SEC23A: variants seen among roughly 807,000 people sequenced by gnomAD.
The protein encoded by SEC23A is SEC23 homolog A, COPII component.
SEC23A carries 56 observed loss-of-function variants against 103.7 expected under a neutral mutation model. That is an observed-to-expected ratio of 0.54 (90% CI 0.44 to 0.67). The LOEUF is 0.67. Among genes scored for constraint, SEC23A ranks in the 30% least tolerant of loss-of-function variants. The pLI is 0.00. For missense variants in SEC23A, 784 were observed against 936.4 expected (o/e 0.84, Z 2.12); for synonymous variants, 281 against 293.0 (o/e 0.96, Z 0.42).
Position 39,092,602 on chromosome 14 carries a change from G to C in SEC23A, c.305C>G (p.Ser102Cys), listed in dbSNP as rs750268186. Residue 102 changes from serine (S) to cysteine (C), a missense_variant, in exon 4 of 20, where the codon TCT becomes TGT. Around this residue, in one of 2 missense-constraint regions of SEC23A, gnomAD observed 683 missense variants for 774.2 expected, o/e 0.88. Coordinates refer to ENST00000307712, the MANE Select transcript of SEC23A (RefSeq NM_006364.4). ...NQFPPSYAGI[S>C]ELNQPAELLP... The stretch of plus-strand genomic sequence containing the variant: ...AAGTTCAGCAGGCTGATTCAGTTCA[G>C]ATATACCAGCATAACTAGGTGGAAA... 5 of 1,610,652 alleles carry C rather than the reference G, an allele frequency of 3.1e-6. No individual in the cohort carries two copies. In the South Asian group the frequency reaches 4.4e-5, roughly 14 times the overall value.
chr14:39,039,618 T>G (rs1292030788), intron 18 of SEC23A: 1 of 153,662 alleles, frequency 6.5e-6, no homozygotes, highest in Non-Finnish European at 1.4e-5. Context: ...ATACACACAG[T>G]GAGACATCAA....
chr14:39,037,322 C>T (rs1026979514), intron 19 of SEC23A, among the ~76,000 whole-genome samples: 1 of 152,016 alleles, frequency 6.6e-6, no homozygotes, highest in African/African-American at 2.4e-5. Context: ...AATTTCTCTC[C>T]ACTCTCCCAT....
chr14:39,066,416 A>G (rs543195152), intron 10 of SEC23A, among the ~76,000 whole-genome samples: 82 of 152,300 alleles, frequency 5.4e-4, no homozygotes, highest in African/African-American at 1.9e-3. Context: ...TGATAGAATT[A>G]TGCAATAACA....
chr14:39,059,300 A>AAAAAAAAAAACAAAAAAAAAC (rs1566491569), intron 13 of SEC23A, among the ~76,000 whole-genome samples: 3 of 100,816 alleles, frequency 3.0e-5, no homozygotes, highest in South Asian at 3.1e-4. Context: ...AAAAAAAAAA[A>AAAAAAAAAAACAAAAAAAAAC]AAAAAAAAAA....
At chr14:39,063,218 G>A (rs566834508) in intron 12 of SEC23A, 106 bp downstream of exon 12, 13 of 700,104 alleles carry the variant, frequency 1.9e-5, no homozygotes, top group Non-Finnish European at 3.1e-5. Context: ...TAAATGTTGG[G>A]TTATATCTAC....
intron 5 of SEC23A, chr14:39,088,773 A>AG (rs1446159105): frequency 4.7e-5 from 7 of 148,440 alleles, no homozygotes; most frequent in African/African-American, 1.8e-4. Flanking sequence ...AGTGGCTCAC[A>AG]CCTGTAATCC....
At position 39,093,263 on chromosome 14, in the gene SEC23A, A is replaced by G; in HGVS notation, c.222-19T>C. 6 of 1,602,002 alleles carry G rather than the reference A, an allele frequency of 3.7e-6. No homozygotes were observed. The highest frequency in any genetic ancestry group is 5.1e-6 in the Non-Finnish European group (6 of 1,172,396). ...CACTTGACTGTTTTAAAAAAAAAGAAAAGACATATCAGTTCATATTTCAGT... is the reference window on the plus strand; with the variant it reads ...CACTTGACTGTTTTAAAAAAAAAGAGAAGACATATCAGTTCATATTTCAGT... On this transcript the variant is annotated intron_variant, in intron 2 of 19. Transcript: ENST00000307712.
chr14:39,056,243 C>A (rs1032576499), intron 13 of SEC23A, among the ~76,000 whole-genome samples: 1 of 152,180 alleles, frequency 6.6e-6, no homozygotes, highest in Non-Finnish European at 1.5e-5. Flanking sequence ...TCCACTGGTT[C>A]TGAGTGCACT....
chr14:39,047,342 TGA>T, intron 15 of SEC23A: 1 of 1,252,640 alleles, frequency 8.0e-7, no homozygotes, highest in South Asian at 1.3e-5. Context: ...GCTACAAAAA[TGA>T]CAAAACAAAG....
chr14:39,067,045 T>C, intron 10 of SEC23A, 128 bp downstream of exon 10: 1 of 1,149,588 alleles, frequency 8.7e-7, no homozygotes, highest in Non-Finnish European at 1.3e-6. Context: ...CTAACTCAGG[T>C]TTCAATATAA....
chr14:39,083,754 A>C (rs1406826037), intron 7 of SEC23A, among the ~76,000 whole-genome samples: 1 of 151,520 alleles, frequency 6.6e-6, no homozygotes, highest in Admixed American at 6.6e-5. Flanking sequence ...TAGTAGAGAC[A>C]GGGTTTCACC....
intron 13 of SEC23A, 63 bp from the exon 14 acceptor site, chr14:39,055,359 G>T: frequency 6.6e-7 from 1 of 1,522,538 alleles, no homozygotes; most frequent in Non-Finnish European, 9.1e-7. Flanking sequence ...ATCATAGTTG[G>T]CTACCACACA....
chr14:39,045,372 A>C, intron 15 of SEC23A, 48 bp from the exon 16 acceptor site: 1 of 1,427,550 alleles, frequency 7.0e-7, no homozygotes, highest in Non-Finnish European at 9.8e-7. Flanking sequence ...TAATATTAAA[A>C]CAGGTGTTTA....
intron 13 of SEC23A, among the ~76,000 whole-genome samples, chr14:39,059,401 C>T (rs1262026156): frequency 6.6e-6 from 1 of 150,460 alleles, no homozygotes; most frequent in Non-Finnish European, 1.5e-5. Context: ...ATAAATGGCA[C>T]CATAACACAC....
intron 13 of SEC23A, among the ~76,000 whole-genome samples, chr14:39,056,562 T>C (rs1886259406): frequency 6.6e-6 from 1 of 151,562 alleles, no homozygotes; most frequent in African/African-American, 2.4e-5. Flanking sequence ...GCAACCTCTG[T>C]CTCCTGGGTT....
intron 17 of SEC23A, 74 bp from the exon 18 acceptor site, chr14:39,040,961 A>G (rs983657288): frequency 5.3e-6 from 8 of 1,508,730 alleles, no homozygotes; most frequent in Non-Finnish European, 7.1e-6. Flanking sequence ...TTTCCAAAGA[A>G]AATAATCTTT....
At chr14:39,087,623 T>C (rs773715267) in intron 5 of SEC23A, 1 of 152,602 alleles carries the variant, frequency 6.6e-6, no homozygotes, top group Non-Finnish European at 1.5e-5. Flanking sequence ...AATTTCTCTC[T>C]AGACAAATGA....
chr14:39,065,487 A>C (rs1021327766), intron 10 of SEC23A, among the ~76,000 whole-genome samples: 1 of 152,190 alleles, frequency 6.6e-6, no homozygotes, highest in Non-Finnish European at 1.5e-5. Flanking sequence ...TACCACTGTC[A>C]GATGAATCTT....
At position 39,085,889 on chromosome 14, in the gene SEC23A, T is replaced by C. The variant is rs1241153838; in HGVS notation, c.701A>G (p.Gln234Arg). The C allele has an allele frequency of 6.2e-7, 1 of 1,613,592 alleles. No homozygotes were observed. The highest frequency in any genetic ancestry group is 8.5e-7 in the Non-Finnish European group (1 of 1,179,502). The change falls in exon 7 of 20, where the codon CAG (glutamine) becomes CGG (arginine). Residue 234 changes from glutamine (Q) to arginine (R), a missense_variant. Around this residue, in one of 2 missense-constraint regions of SEC23A, gnomAD observed 683 missense variants for 774.2 expected, o/e 0.88. Coordinates refer to ENST00000307712, the MANE Select transcript of SEC23A (RefSeq NM_006364.4). The stretch of plus-strand genomic sequence containing the variant: ...ATCTGTGAGATTCATGTCTATTTTC[T>C]GTACTGGTTGTAAGAATCTAAGAAA... ...PPSNRFLQPV[Q>R]KIDMNLTDLL...
Sources: gnomAD v4.1 joint callset for allele counts (sites outside exome capture counted in the v4.1 genomes callset) on GRCh38, gnomAD v4.1.1 for gene constraint, gnomAD v4.1.1 regional missense constraint, MANE v1.5 for transcripts, NCBI Gene and HGNC (gene_info 2026-07-23, HGNC 2026-07-21) for gene names.